PCDH15: variants seen among roughly 807,000 people sequenced by gnomAD.
PCDH15 encodes the protein protocadherin related 15.
In PCDH15, 129 loss-of-function variants were observed where a neutral mutation model predicts 178.5. The observed-to-expected ratio is 0.72, with a 90% CI of 0.63 to 0.84. PCDH15 has a LOEUF of 0.84. Among genes scored for constraint, PCDH15 ranks in the 40% least tolerant of loss-of-function variants. The pLI is 0.00. For missense variants in PCDH15, 2,230 were observed against 2,099.9 expected (o/e 1.06, Z -1.21); for synonymous variants, 800 against 732.0 (o/e 1.09, Z -1.50).
intron 1 of PCDH15, among the ~76,000 whole-genome samples, chr10:54,737,115 A>C (rs1944226402): frequency 6.6e-6 from 1 of 152,108 alleles, no homozygotes; most frequent in South Asian, 2.1e-4. Flanking sequence ...AGAAGACATG[A>C]AAGAAGCACA....
chr10:54,658,194 A>C (rs2094439723), intron 2 of PCDH15, among the ~76,000 whole-genome samples: 1 of 152,156 alleles, frequency 6.6e-6, no homozygotes, highest in Non-Finnish European at 1.5e-5. Context: ...AGAGAAAGAA[A>C]GAAACATGAA....
intron 1 of PCDH15, among the ~76,000 whole-genome samples, chr10:54,713,007 C>T (rs191681217): frequency 6.6e-6 from 1 of 152,126 alleles, no homozygotes; most frequent in East Asian, 1.9e-4. Context: ...ATTTCTACCT[C>T]AAATTTTTAA....
chr10:54,232,297 C>T (rs115728874), intron 9 of PCDH15, among the ~76,000 whole-genome samples: 2,963 of 152,214 alleles, frequency 0.019, 81 homozygotes, highest in African/African-American at 0.067. Context: ...ACGTAAGATG[C>T]GCCAACTTCC....
At chr10:55,418,849 C>A (rs181699066) in intron 2 of PCDH15, among the ~76,000 whole-genome samples, 1 of 151,614 alleles carries the variant, frequency 6.6e-6, no homozygotes, top group Admixed American at 6.6e-5. Context: ...GGAGGCAAAC[C>A]TTAAAATAAT....
chr10:53,992,296 C>T (rs1407398224), intron 21 of PCDH15, among the ~76,000 whole-genome samples: 2 of 152,176 alleles, frequency 1.3e-5, no homozygotes, highest in Non-Finnish European at 2.9e-5. Context: ...ACTCTGGACA[C>T]ACCATCTTTA....
At chr10:54,728,858 A>C (rs1413923122) in intron 1 of PCDH15, among the ~76,000 whole-genome samples, 1 of 151,584 alleles carries the variant, frequency 6.6e-6, no homozygotes, top group Admixed American at 6.6e-5. Flanking sequence ...CTAGAAAAAC[A>C]GCTAACTAGG....
chr10:55,444,872 A>G (rs1299816887), intron 2 of PCDH15, among the ~76,000 whole-genome samples: 1 of 152,182 alleles, frequency 6.6e-6, no homozygotes, highest in East Asian at 1.9e-4. Flanking sequence ...AAACATTCAG[A>G]ACTACGCTAA....
intron 2 of PCDH15, among the ~76,000 whole-genome samples, chr10:54,556,350 C>T (rs2087259910): frequency 6.6e-6 from 1 of 150,446 alleles, no homozygotes; most frequent in Non-Finnish European, 1.5e-5. Flanking sequence ...AAGTCTTCTG[C>T]TAGACACTGA....
chr10:54,350,639 G>A (rs1186085081), intron 5 of PCDH15, among the ~76,000 whole-genome samples: 3 of 152,224 alleles, frequency 2.0e-5, no homozygotes, highest in African/African-American at 7.2e-5. Context: ...GCCTATGCCA[G>A]ATGCAAAAAA....
At chr10:55,334,230 ATATATATATATATG>A (rs1160439453) in intron 2 of PCDH15, among the ~76,000 whole-genome samples, 2 of 107,748 alleles carry the variant, frequency 1.9e-5, no homozygotes, top group African/African-American at 1.0e-4. Flanking sequence ...CCATATATAT[ATATATATATATATG>A]TGTGTGTGTG....
At chr10:55,458,840 C>T (rs568225333) in intron 2 of PCDH15, among the ~76,000 whole-genome samples, 21 of 152,056 alleles carry the variant, frequency 1.4e-4, no homozygotes, top group Middle Eastern at 6.8e-3. Context: ...GTAGACAATA[C>T]GTACAGACTA....
intron 5 of PCDH15, among the ~76,000 whole-genome samples, chr10:54,364,200 C>T (rs1374808755): frequency 9.5e-6 from 1 of 105,796 alleles, no homozygotes; most frequent in Non-Finnish European, 1.9e-5. Context: ...CAAAAAAGAG[C>T]AAAACTCTGA....
intron 18 of PCDH15, among the ~76,000 whole-genome samples, chr10:54,043,795 C>CA (rs2093600831): frequency 6.6e-6 from 1 of 151,916 alleles, no homozygotes; most frequent in African/African-American, 2.4e-5. Flanking sequence ...ACAAACACTT[C>CA]AAAAAAACAT....
chr10:55,513,389 T>C (rs1378716839), intron 2 of PCDH15, among the ~76,000 whole-genome samples: 3 of 152,116 alleles, frequency 2.0e-5, no homozygotes, highest in Non-Finnish European at 2.9e-5. Context: ...TATTCTCTAG[T>C]ATTGATTATG....
intron 15 of PCDH15, among the ~76,000 whole-genome samples, chr10:54,090,445 C>G (rs2094581129): frequency 1.3e-5 from 2 of 152,116 alleles, no homozygotes; most frequent in African/African-American, 4.8e-5. Flanking sequence ...GAGTTCAAGA[C>G]TAGCCTGGCC....
chr10:54,883,425 C>T (rs1365516043), intron 3 of PCDH15, among the ~76,000 whole-genome samples: 3 of 151,948 alleles, frequency 2.0e-5, no homozygotes, highest in African/African-American at 7.2e-5. Context: ...ATTCTTAGAA[C>T]ATACCCTACG....
chr10:55,438,866 T>C (rs1839109975), intron 2 of PCDH15, among the ~76,000 whole-genome samples: 1 of 151,098 alleles, frequency 6.6e-6, no homozygotes, highest in South Asian at 2.1e-4. Context: ...CAGGGAAAAA[T>C]AATAATACTA....
intron 2 of PCDH15, among the ~76,000 whole-genome samples, chr10:55,497,486 G>T (rs1840560990): frequency 6.6e-6 from 1 of 151,566 alleles, no homozygotes. Context: ...TTACTTTTCT[G>T]TAAGTAATAA....
chr10:54,134,580 G>A (rs12262042), intron 14 of PCDH15, among the ~76,000 whole-genome samples: 27 of 151,024 alleles, frequency 1.8e-4, no homozygotes, highest in African/African-American at 2.9e-4. Flanking sequence ...GGTGAAAGCC[G>A]GTCTCTACTA....
Sources: allele counts gnomAD v4.1 joint callset (sites outside exome capture counted in the v4.1 genomes callset), GRCh38; gene constraint gnomAD v4.1.1; transcripts MANE v1.5; gene names NCBI Gene and HGNC (gene_info 2026-07-23, HGNC 2026-07-21).